Variants in GPC5 observed in about 807,000 individuals in gnomAD.
The protein encoded by GPC5 is glypican 5.
Under a neutral mutation model 53.9 loss-of-function variants are expected in GPC5, and 47 were observed. That is an observed-to-expected ratio of 0.87 (90% CI 0.69 to 1.11). The LOEUF is 1.11. GPC5 is among the 50% of genes most tolerant of loss of function. The pLI, the probability that GPC5 is intolerant of heterozygous loss-of-function variation, is 0.00. For synonymous variants in GPC5, 286 were observed against 263.3 expected (o/e 1.09, Z -0.84); for missense variants, 748 against 713.1 (o/e 1.05, Z -0.56).
At chr13:91,962,404 G>C (rs981644183) in intron 6 of GPC5, among the ~76,000 whole-genome samples, 1 of 152,058 alleles carries the variant, frequency 6.6e-6, no homozygotes, top group Non-Finnish European at 1.5e-5. Context: ...CTGACTTAAA[G>C]ATAGTCACAA....
chr13:91,785,276 C>A (rs2037860744), intron 5 of GPC5, among the ~76,000 whole-genome samples: 1 of 152,176 alleles, frequency 6.6e-6, no homozygotes, highest in Non-Finnish European at 1.5e-5. Flanking sequence ...TGGGGCTATC[C>A]TGAGCATTGT....
intron 5 of GPC5, among the ~76,000 whole-genome samples, chr13:91,801,253 T>TGTGTGTGTG (rs144524846): frequency 6.8e-6 from 1 of 146,298 alleles, no homozygotes; most frequent in South Asian, 2.3e-4. Flanking sequence ...CATCCATACT[T>TGTGTGTGTG]TGTGTGTGTG....
chr13:91,910,552 A>T (rs2039600388), intron 6 of GPC5, among the ~76,000 whole-genome samples: 1 of 152,150 alleles, frequency 6.6e-6, no homozygotes, highest in South Asian at 2.1e-4. Flanking sequence ...TACCTATATT[A>T]AAGAATATGG....
At chr13:92,638,342 C>T (rs1594371820) in intron 7 of GPC5, among the ~76,000 whole-genome samples, 1 of 151,960 alleles carries the variant, frequency 6.6e-6, no homozygotes, top group African/African-American at 2.4e-5. Flanking sequence ...GAAAAGGAAA[C>T]CTTCTCTTGG....
chr13:92,009,513 T>G (rs948629311), intron 6 of GPC5, among the ~76,000 whole-genome samples: 1 of 152,186 alleles, frequency 6.6e-6, no homozygotes, highest in African/African-American at 2.4e-5. Flanking sequence ...TTCCTCAGTT[T>G]ACACCCCTGT....
At chr13:91,504,741 T>A (rs1052117516) in intron 2 of GPC5, among the ~76,000 whole-genome samples, 1 of 152,092 alleles carries the variant, frequency 6.6e-6, no homozygotes, top group Non-Finnish European at 1.5e-5. Flanking sequence ...GAAGATTGTT[T>A]GAGGCCAAGA....
chr13:92,339,763 CA>C (rs2043350842), intron 7 of GPC5: 2 of 152,144 alleles, frequency 1.3e-5, no homozygotes, highest in African/African-American at 4.8e-5. Context: ...TTGACATTCT[CA>C]AAAGGCATTA....
Position 92,231,310 on chromosome 13 carries a change from A to G in GPC5, c.1561+86321A>G, listed in dbSNP as rs373260957. On this transcript the variant is annotated intron_variant, in intron 7 of 7. Coordinates refer to ENST00000377067, the MANE Select transcript of GPC5 (RefSeq NM_004466.6). ...CATTTTCCCTTTTTCATGCTTCTCC[A>G]CAGTGCATGTTATCTCTCTTTTGGC... Among the ~76,000 whole-genome samples, 27 of 152,290 alleles carry G rather than the reference A, an allele frequency of 1.8e-4. No individual in the cohort carries two copies. The South Asian group carries it at 5.2e-3, about 29-fold the overall frequency.
intron 7 of GPC5, among the ~76,000 whole-genome samples, chr13:92,219,207 G>C (rs949831025): frequency 6.6e-6 from 1 of 151,994 alleles, no homozygotes; most frequent in African/African-American, 2.4e-5. Context: ...TCACTTACTA[G>C]ATCAGAGGCA....
intron 6 of GPC5, among the ~76,000 whole-genome samples, chr13:91,968,223 C>T (rs1293043893): frequency 6.6e-6 from 1 of 151,730 alleles, no homozygotes; most frequent in Non-Finnish European, 1.5e-5. Context: ...AATTATATTC[C>T]TCATGTATTT....
At chr13:92,190,272 GACAA>G (rs1175101253) in intron 7 of GPC5, among the ~76,000 whole-genome samples, 1 of 152,074 alleles carries the variant, frequency 6.6e-6, no homozygotes, top group Non-Finnish European at 1.5e-5. Context: ...CACTTTCTTA[GACAA>G]ACAGAATTTT....
In GPC5 at chr13:91,937,374, T is replaced by C. The variant is rs576731126; in HGVS notation, c.1401+29317T>C. Reference sequence around the variant, plus strand: ...ACAATATAGGTCTCTTTTTACGTGATGTTTCTGATTAGATTTAGCTGAGCT... The same window carrying C: ...ACAATATAGGTCTCTTTTTACGTGACGTTTCTGATTAGATTTAGCTGAGCT... On this transcript the variant is annotated intron_variant, in intron 6 of 7. Transcript: ENST00000377067. Among the ~76,000 whole-genome samples, 12 of 152,232 alleles carry C rather than the reference T, an allele frequency of 7.9e-5. No homozygotes were observed. In the East Asian group the frequency reaches 2.3e-3, roughly 29 times the overall value.
chr13:91,917,307 A>G (rs2039669066), intron 6 of GPC5, among the ~76,000 whole-genome samples: 1 of 152,248 alleles, frequency 6.6e-6, no homozygotes, highest in Non-Finnish European at 1.5e-5. Flanking sequence ...ACTATGTCTC[A>G]CATCCAGGTC....
At chr13:92,778,601 G>A (rs1052718093) in intron 7 of GPC5, among the ~76,000 whole-genome samples, 5 of 152,116 alleles carry the variant, frequency 3.3e-5, no homozygotes, top group East Asian at 1.9e-4. Context: ...ACCTCACTAA[G>A]GAATGGTGAA....
chr13:92,274,401 A>T (rs2042860886), intron 7 of GPC5, among the ~76,000 whole-genome samples: 1 of 152,076 alleles, frequency 6.6e-6, no homozygotes, highest in African/African-American at 2.4e-5. Flanking sequence ...GACCAGCATC[A>T]TCTACCCTCT....
intron 7 of GPC5, among the ~76,000 whole-genome samples, chr13:92,280,428 C>T (rs1482917690): frequency 6.6e-6 from 1 of 152,030 alleles, no homozygotes; most frequent in Non-Finnish European, 1.5e-5. Context: ...TTCTAGTTTG[C>T]TAAAGCATTA....
intron 7 of GPC5, among the ~76,000 whole-genome samples, chr13:92,188,926 C>A (rs1183883629): frequency 6.6e-6 from 1 of 152,132 alleles, no homozygotes; most frequent in African/African-American, 2.4e-5. Flanking sequence ...GCAATCACTG[C>A]CCTAAAACTT....
chr13:91,907,209 T>C (rs1333186390), intron 5 of GPC5, among the ~76,000 whole-genome samples: 1 of 149,226 alleles, frequency 6.7e-6, no homozygotes, highest in East Asian at 1.9e-4. Flanking sequence ...CCCTAATGGA[T>C]ACTAGAATTC....
At chr13:91,435,207 A>G (rs1200761414) in intron 1 of GPC5, among the ~76,000 whole-genome samples, 2 of 152,198 alleles carry the variant, frequency 1.3e-5, no homozygotes, top group Non-Finnish European at 2.9e-5. Context: ...TGCCCTGGCC[A>G]GAACTTCCAA....
Sources: allele counts gnomAD v4.1 joint callset (sites outside exome capture counted in the v4.1 genomes callset), GRCh38; gene constraint gnomAD v4.1.1; transcripts MANE v1.5; gene names NCBI Gene and HGNC (gene_info 2026-07-23, HGNC 2026-07-21).